ERP27: variants seen among roughly 807,000 people sequenced by gnomAD.
ERP27 encodes the protein endoplasmic reticulum resident protein 27.
A neutral mutation model predicts 27.7 loss-of-function variants in ERP27; 23 were observed. That is an observed-to-expected ratio of 0.83 (90% CI 0.60 to 1.18). ERP27 has a LOEUF of 1.18. ERP27 is among the 50% of genes most tolerant of loss of function. The probability of loss-of-function intolerance (pLI) is 0.00; values close to 1 mark genes in which losing one functional copy is unlikely to be tolerated. For missense variants in ERP27, 363 were observed against 327.9 expected (o/e 1.11, Z -0.83); for synonymous variants, 159 against 118.3 (o/e 1.34, Z -2.23).
In ERP27 at chr12:14,929,194, G is replaced by T. The variant is rs548166170; in HGVS notation, c.333+5662C>A. 432 of 1,294,786 alleles carry T rather than the reference G, an allele frequency of 3.3e-4. 6 individuals are homozygous for T. The South Asian group carries it at 9.6e-3, about 29-fold the overall frequency. The allele number at this position is 1,294,786 out of a possible 1,614,324, so 80.2% of individuals were successfully genotyped here. A position where few individuals can be genotyped will look rare whatever the true frequency, so the allele number is the denominator to read the frequency against. ...TCCTTCATACTTCCCAGAACAGGGA[G>T]AACAAGAAAAGCCAGTTACTCTGGG... On this transcript the variant is annotated intron_variant, in intron 3 of 6. Coordinates refer to ENST00000266397, the MANE Select transcript of ERP27 (RefSeq NM_152321.4).
At chr12:14,934,775 G>A (rs1215716404) in intron 3 of ERP27, 81 bp downstream of exon 3, 6 of 1,542,746 alleles carry the variant, frequency 3.9e-6, no homozygotes, top group Non-Finnish European at 4.4e-6. Flanking sequence ...AAGACATAGA[G>A]TCCTTTCCAG....
In ERP27 at chr12:14,915,545, C is replaced by G; in HGVS notation, c.718G>C (p.Val240Leu). Residue 240 changes from valine (V) to leucine (L), a missense_variant, in exon 6 of 7, where the codon GTT becomes CTT. Physicochemically the swap from Val to Leu is conservative, Grantham distance 32. Coordinates refer to ENST00000266397, the MANE Select transcript of ERP27 (RefSeq NM_152321.4). ...AAGTTTTGCACATGCTCTACGGAAA[C>G]TTCTGCTGTGGGCAGTGTATCCCAC... ...DEWDTLPTAE[V>L]SVEHVQNFCD... 6.2e-7 allele frequency: 1 copy of G among 1,614,252 alleles called. No individual in the cohort carries two copies. The highest frequency in any genetic ancestry group is 1.1e-5 in the South Asian group (1 of 91,080).
At chr12:14,931,671 T>A (rs1362094497) in intron 3 of ERP27, among the ~76,000 whole-genome samples, 1 of 152,094 alleles carries the variant, frequency 6.6e-6, no homozygotes, top group Non-Finnish European at 1.5e-5. Flanking sequence ...CAGTGAAGCT[T>A]TATGAGGAAT....
At chr12:14,926,464 G>A (rs377602866) in intron 3 of ERP27, among the ~76,000 whole-genome samples, 3 of 152,122 alleles carry the variant, frequency 2.0e-5, no homozygotes, top group African/African-American at 7.2e-5. Context: ...ATTTAATTAT[G>A]CATTTTCCAT....
chr12:14,919,316 G>C (rs1052650668), intron 4 of ERP27, among the ~76,000 whole-genome samples: 6 of 152,116 alleles, frequency 3.9e-5, no homozygotes, highest in African/African-American at 1.2e-4. Context: ...ACTTAAAAAA[G>C]ATACGTCATT....
At chr12:14,928,620 T>C (rs1046909337) in intron 3 of ERP27, among the ~76,000 whole-genome samples, 3 of 152,216 alleles carry the variant, frequency 2.0e-5, no homozygotes, top group Admixed American at 6.5e-5. Context: ...AATTTAAATT[T>C]ATGAAATAAA....
chr12:14,935,959 C>A (rs1863766849), intron 2 of ERP27, among the ~76,000 whole-genome samples: 1 of 152,062 alleles, frequency 6.6e-6, no homozygotes, highest in African/African-American at 2.4e-5. Context: ...TGAGCTCAGG[C>A]AATCCACCTC....
chr12:14,935,766 C>T (rs992356648), intron 2 of ERP27, among the ~76,000 whole-genome samples: 8 of 152,182 alleles, frequency 5.3e-5, no homozygotes, highest in African/African-American at 1.9e-4. Context: ...CTTGCTCTGT[C>T]ACCCAGGCTA....
At chr12:14,917,954 C>A (rs1863439544) in intron 4 of ERP27, among the ~76,000 whole-genome samples, 2 of 152,208 alleles carry the variant, frequency 1.3e-5, no homozygotes, top group African/African-American at 4.8e-5. Context: ...AACTAATACA[C>A]TATGTAACAT....
intron 4 of ERP27, among the ~76,000 whole-genome samples, chr12:14,917,547 A>C (rs996915593): frequency 2.0e-5 from 3 of 152,176 alleles, no homozygotes; most frequent in African/African-American, 7.2e-5. Flanking sequence ...TGCAGAAATG[A>C]TGGAGTGTGA....
chr12:14,934,486 C>G (rs905476634), intron 3 of ERP27, among the ~76,000 whole-genome samples: 4 of 152,104 alleles, frequency 2.6e-5, no homozygotes, highest in Admixed American at 6.5e-5. Context: ...ATGAACTCCT[C>G]AAAATATTTA....
Position 14,920,959 on chromosome 12 carries a change from G to C in ERP27, c.423C>G (p.Leu141=). 1 of 1,614,120 alleles carries C rather than the reference G, an allele frequency of 6.2e-7. No homozygotes were observed. The highest frequency in any genetic ancestry group is 8.5e-7 in the Non-Finnish European group (1 of 1,179,968). The stretch of plus-strand genomic sequence containing the variant: ...CAGGGTTGTACTCTGTCACCATGTG[G>C]AGGCTGTTGATCTCAATGAAACGGC... The part of the protein sequence containing the change: ...KLSRFIEINS[L]HMVTEYNPVT... The change falls in exon 4 of 7, where the codon CTC becomes CTG. Residue 141 remains leucine (L), a synonymous_variant. Coordinates refer to ENST00000266397, the MANE Select transcript of ERP27 (RefSeq NM_152321.4).
chr12:14,917,862 C>T (rs11610243), intron 4 of ERP27, among the ~76,000 whole-genome samples: 8,768 of 152,228 alleles, frequency 0.058, 348 homozygotes, highest in Non-Finnish European at 0.086. Context: ...AATTGGATGA[C>T]CTGCAGAAAC....
intron 4 of ERP27, among the ~76,000 whole-genome samples, chr12:14,919,286 G>A (rs1325774766): frequency 1.3e-5 from 2 of 152,150 alleles, no homozygotes; most frequent in Non-Finnish European, 2.9e-5. Flanking sequence ...GATATAATCT[G>A]CCTTCACTAA....
intron 3 of ERP27, among the ~76,000 whole-genome samples, chr12:14,926,625 T>C (rs768951291): frequency 1.4e-4 from 22 of 152,168 alleles, no homozygotes; most frequent in Non-Finnish European, 3.1e-4. Flanking sequence ...GAATACATTA[T>C]ACAACATGCA....
chr12:14,931,532 G>T (rs1456622455), intron 3 of ERP27, among the ~76,000 whole-genome samples: 1 of 152,178 alleles, frequency 6.6e-6, no homozygotes, highest in Non-Finnish European at 1.5e-5. Flanking sequence ...GAACCATTTT[G>T]TTTGTTTTCT....
intron 2 of ERP27, chr12:14,935,297 C>T (rs1863758284): frequency 4.1e-6 from 1 of 243,646 alleles, no homozygotes; most frequent in Admixed American, 6.5e-5. Context: ...AAAGGCCTGC[C>T]TAGTTTGGCT....
At chr12:14,930,821 T>C (rs978961469) in intron 3 of ERP27, among the ~76,000 whole-genome samples, 10 of 152,254 alleles carry the variant, frequency 6.6e-5, no homozygotes, top group African/African-American at 2.4e-4. Flanking sequence ...TTTCTAAATA[T>C]GTTCTTAAAA....
At position 14,920,921 on chromosome 12, in the gene ERP27, G is replaced by T; in HGVS notation, c.450+11C>A. ...GGTCTGAAGGGACTAAGAACAGGAAGTATTGTTTACCACAGGGTTGTACTC... is the reference window on the plus strand; with the variant it reads ...GGTCTGAAGGGACTAAGAACAGGAATTATTGTTTACCACAGGGTTGTACTC... On this transcript the variant is annotated intron_variant, in intron 4 of 6. Coordinates refer to ENST00000266397, the MANE Select transcript of ERP27 (RefSeq NM_152321.4). 2 of 1,606,806 alleles carry T rather than the reference G, an allele frequency of 1.2e-6. No individual in the cohort carries two copies. The highest frequency in any genetic ancestry group is 1.7e-6 in the Non-Finnish European group (2 of 1,173,324).
Sources: allele counts gnomAD v4.1 joint callset (sites outside exome capture counted in the v4.1 genomes callset), GRCh38; gene constraint gnomAD v4.1.1; transcripts MANE v1.5; gene names NCBI Gene and HGNC (gene_info 2026-07-23, HGNC 2026-07-21).